The following AUTS2 variants were observed in gnomAD, a reference collection of about 807,000 sequenced individuals.
The protein encoded by AUTS2 is activator of transcription and developmental regulator AUTS2, also known as autism susceptibility gene 2 protein.
Under a neutral mutation model 112.4 loss-of-function variants are expected in AUTS2, and 17 were observed. The observed-to-expected ratio is 0.15, with a 90% CI of 0.10 to 0.23. The LOEUF is 0.23. AUTS2 is among the 10% of genes least tolerant of loss of function. AUTS2 has a pLI of 1.00. For missense variants in AUTS2, 1,510 were observed against 1,701.6 expected (o/e 0.89, Z 1.98); for synonymous variants, 751 against 702.7 (o/e 1.07, Z -1.09).
At chr7:70,004,534 A>G (rs1461564340) in intron 2 of AUTS2, among the ~76,000 whole-genome samples, 6 of 150,078 alleles carry the variant, frequency 4.0e-5, no homozygotes, top group African/African-American at 1.2e-4. Context: ...AAAAGTTTTA[A>G]GGTTAAGGGA....
intron 5 of AUTS2, among the ~76,000 whole-genome samples, chr7:70,479,285 T>A (rs971925854): frequency 2.0e-5 from 3 of 152,190 alleles, no homozygotes; most frequent in Non-Finnish European, 4.4e-5. Context: ...TATGAGTTAC[T>A]GTGTTGTAAG....
chr7:69,831,007 C>T (rs1791477497), intron 1 of AUTS2, among the ~76,000 whole-genome samples: 1 of 152,048 alleles, frequency 6.6e-6, no homozygotes, highest in South Asian at 2.1e-4. Context: ...AGTGAAAGGA[C>T]AGGAAAGGAA....
intron 6 of AUTS2, among the ~76,000 whole-genome samples, chr7:70,705,358 C>T (rs544746692): frequency 4.7e-4 from 72 of 152,224 alleles, no homozygotes; most frequent in Non-Finnish European, 6.5e-4. Context: ...TCGAGTAATC[C>T]GCTCCGTGCA....
At chr7:70,521,231 T>A (rs1799632697) in intron 5 of AUTS2, among the ~76,000 whole-genome samples, 1 of 152,138 alleles carries the variant, frequency 6.6e-6, no homozygotes, top group African/African-American at 2.4e-5. Flanking sequence ...CATCATCAGC[T>A]CTCCTGGGCT....
chr7:69,838,782 C>A (rs755556218), intron 1 of AUTS2, among the ~76,000 whole-genome samples: 14 of 152,130 alleles, frequency 9.2e-5, no homozygotes, highest in Non-Finnish European at 1.8e-4. Flanking sequence ...ATTGACCATG[C>A]ATTCCCTTTA....
chr7:69,717,607 G>T (rs527460768), intron 1 of AUTS2, among the ~76,000 whole-genome samples: 1 of 152,240 alleles, frequency 6.6e-6, no homozygotes, highest in Non-Finnish European at 1.5e-5. Context: ...AATTTTTTTT[G>T]AAGTATCCTG....
intron 1 of AUTS2, among the ~76,000 whole-genome samples, chr7:69,650,875 C>T (rs1401950439): frequency 2.0e-5 from 3 of 152,136 alleles, no homozygotes; most frequent in African/African-American, 4.8e-5. Context: ...CTGGGCTTAC[C>T]TCAGTTTTTG....
chr7:70,383,805 C>A (rs1298921186), intron 4 of AUTS2, among the ~76,000 whole-genome samples: 1 of 152,226 alleles, frequency 6.6e-6, no homozygotes, highest in Non-Finnish European at 1.5e-5. Context: ...AGGAGACTTA[C>A]TGTTTGCTGC....
intron 3 of AUTS2, among the ~76,000 whole-genome samples, chr7:70,121,765 G>T (rs948444811): frequency 6.6e-6 from 1 of 152,180 alleles, no homozygotes; most frequent in Non-Finnish European, 1.5e-5. Context: ...GTAGAAAACA[G>T]CTTGGCAGTC....
At chr7:70,449,881 G>A (rs73448873) in intron 5 of AUTS2, among the ~76,000 whole-genome samples, 5,514 of 152,168 alleles carry the variant, frequency 0.036, 176 homozygotes, top group African/African-American at 0.079. Context: ...ACCTATAGTA[G>A]CTAATGAATT....
chr7:69,834,500 A>G (rs547059439), intron 1 of AUTS2, among the ~76,000 whole-genome samples: 57 of 152,314 alleles, frequency 3.7e-4, no homozygotes, highest in African/African-American at 1.3e-3. Flanking sequence ...ATGTTGTTCA[A>G]TCACTTTATT....
intron 1 of AUTS2, among the ~76,000 whole-genome samples, chr7:69,633,749 T>C (rs920541102): frequency 1.3e-5 from 2 of 152,218 alleles, no homozygotes; most frequent in African/African-American, 4.8e-5. Context: ...ATGTTTTCTT[T>C]GGAAAAATGT....
intron 5 of AUTS2, among the ~76,000 whole-genome samples, chr7:70,610,102 C>T (rs1396774776): frequency 6.6e-6 from 1 of 152,042 alleles, no homozygotes; most frequent in Non-Finnish European, 1.5e-5. Context: ...TGGGTTAAAG[C>T]GATGCTCTTG....
chr7:69,878,619 G>A (rs1163977347), intron 1 of AUTS2, among the ~76,000 whole-genome samples: 1 of 152,228 alleles, frequency 6.6e-6, no homozygotes, highest in Non-Finnish European at 1.5e-5. Flanking sequence ...AAGTAAAGAA[G>A]AAGCCACATG....
intron 1 of AUTS2, chr7:69,824,466 G>C (rs1791150991): frequency 6.6e-6 from 1 of 151,364 alleles, no homozygotes; most frequent in African/African-American, 2.4e-5. Context: ...TTATTTCTGA[G>C]AACTGATATC....
chr7:69,621,230 C>A (rs142730771), intron 1 of AUTS2, among the ~76,000 whole-genome samples: 2 of 152,122 alleles, frequency 1.3e-5, no homozygotes, highest in Non-Finnish European at 2.9e-5. Context: ...CACCCAAGGA[C>A]GAGTGTGTCA....
intron 1 of AUTS2, among the ~76,000 whole-genome samples, chr7:69,672,635 G>A (rs188207156): frequency 1.6e-4 from 24 of 152,320 alleles, no homozygotes; most frequent in Admixed American, 1.4e-3. Context: ...CTGTCCTCAG[G>A]CAGTCTACCA....
At chr7:70,136,478 C>T (rs1729912965) in intron 4 of AUTS2, among the ~76,000 whole-genome samples, 1 of 152,186 alleles carries the variant, frequency 6.6e-6, no homozygotes, top group African/African-American at 2.4e-5. Context: ...AATAGTATCA[C>T]ATGTAATAAT....
At chr7:70,609,562 TTTTG>T (rs1413274905) in intron 5 of AUTS2, among the ~76,000 whole-genome samples, 1 of 147,810 alleles carries the variant, frequency 6.8e-6, no homozygotes, top group Admixed American at 6.7e-5. Flanking sequence ...GCCAAGCTAA[TTTTG>T]TTTTTTTTGT....
Sources: allele counts gnomAD v4.1 joint callset (sites outside exome capture counted in the v4.1 genomes callset), GRCh38; gene constraint gnomAD v4.1.1; transcripts MANE v1.5; gene names NCBI Gene and HGNC (gene_info 2026-07-23, HGNC 2026-07-21).